Variants in EPB41L4B observed in about 807,000 individuals in gnomAD.
EPB41L4B encodes band 4.1-like protein 4B.
In EPB41L4B, 30 loss-of-function variants were observed where a neutral mutation model predicts 112.5. The observed-to-expected ratio is 0.27, with a 90% CI of 0.20 to 0.36. The LOEUF is 0.36. EPB41L4B is among the 10% of genes least tolerant of loss of function. EPB41L4B has a pLI of 1.00. For synonymous variants in EPB41L4B, 408 were observed against 439.7 expected, an observed-to-expected ratio of 0.93 and a Z score of 0.90; for missense variants, 1,024 against 1,133.3, an observed-to-expected ratio of 0.90 and a Z score of 1.38.
chr9:109,257,585 C>T (rs571607529), intron 7 of EPB41L4B, among the ~76,000 whole-genome samples: 2 of 152,256 alleles, frequency 1.3e-5, no homozygotes, highest in Admixed American at 1.3e-4. Context: ...GCCTGGGATG[C>T]CCTGGGGTGT....
At chr9:109,301,621 T>C (rs541611718) in intron 1 of EPB41L4B, among the ~76,000 whole-genome samples, 1 of 152,344 alleles carries the variant, frequency 6.6e-6, no homozygotes, top group Admixed American at 6.5e-5. Flanking sequence ...CAGAGGCTAC[T>C]CTTTTAAGGT....
At chr9:109,183,825 T>C (rs942207458) in intron 23 of EPB41L4B, among the ~76,000 whole-genome samples, 2 of 152,346 alleles carry the variant, frequency 1.3e-5, no homozygotes, top group Admixed American at 6.5e-5. Context: ...AGCTACTCAA[T>C]GCTCTTCAGT....
chr9:109,281,701 TAAA>T (rs1380265980), intron 1 of EPB41L4B, among the ~76,000 whole-genome samples: 71 of 112,760 alleles, frequency 6.3e-4, no homozygotes, highest in African/African-American at 2.5e-3. Flanking sequence ...AATAAATAAA[TAAA>T]TAAATAAATA....
chr9:109,220,233 C>T (rs1833524407), intron 15 of EPB41L4B, among the ~76,000 whole-genome samples: 2 of 152,072 alleles, frequency 1.3e-5, no homozygotes, highest in Admixed American at 1.3e-4. Context: ...AACAGCTGTT[C>T]CAGGCCTAAG....
At chr9:109,251,126 G>C (rs376233862) in intron 13 of EPB41L4B, among the ~76,000 whole-genome samples, 1 of 152,192 alleles carries the variant, frequency 6.6e-6, no homozygotes, top group Non-Finnish European at 1.5e-5. Flanking sequence ...ATCTGCTCTC[G>C]TCCAGCTTTT....
chr9:109,255,361 G>C lies in EPB41L4B; in HGVS notation c.1169+150C>G, dbSNP rs1428173200. ...CAATGACCAGGTGGGGGTCAAAAGA[G>C]CTTCAGTTACTCACCTTAAGAAACG... On this transcript the variant is annotated intron_variant, in intron 11 of 25. Coordinates refer to ENST00000374566, the MANE Select transcript of EPB41L4B (RefSeq NM_019114.5). 4 of 820,726 alleles carry C rather than the reference G, an allele frequency of 4.9e-6. No individual in the cohort carries two copies. The East Asian group carries it at 1.1e-4, about 22-fold the overall frequency. 50.8% of individuals were successfully genotyped at this position (820,726 alleles called of 1,614,324 possible).
chr9:109,233,897 T>C (rs1180879780), intron 15 of EPB41L4B, among the ~76,000 whole-genome samples: 3 of 152,194 alleles, frequency 2.0e-5, no homozygotes, highest in African/African-American at 7.2e-5. Context: ...CTTTCCTCAC[T>C]ATTATAAATG....
chr9:109,240,336 C>A, intron 15 of EPB41L4B: 1 of 985,364 alleles, frequency 1.0e-6, no homozygotes, highest in Non-Finnish European at 1.2e-6. Context: ...GTAGTCAGCT[C>A]CACTGTGCAA....
chr9:109,228,790 C>T (rs939600715), intron 15 of EPB41L4B, among the ~76,000 whole-genome samples: 32 of 152,118 alleles, frequency 2.1e-4, no homozygotes, highest in Middle Eastern at 3.2e-3. Flanking sequence ...AGTTCTGTGC[C>T]GCTTTCTTTT....
intron 11 of EPB41L4B, among the ~76,000 whole-genome samples, 186 bp downstream of exon 11, chr9:109,255,325 T>C (rs1485889810): frequency 6.6e-6 from 1 of 152,218 alleles, no homozygotes; most frequent in Admixed American, 6.5e-5. Flanking sequence ...TTGTTATTAG[T>C]TCCATTTTAT....
At chr9:109,175,632 G>A (rs991435113) in intron 25 of EPB41L4B, among the ~76,000 whole-genome samples, 2 of 151,686 alleles carry the variant, frequency 1.3e-5, no homozygotes, top group Non-Finnish European at 2.9e-5. Context: ...TCTGCCTCCT[G>A]AGTAGCTGGG....
rs897464769 is a variant in EPB41L4B at position 109,320,427 on chromosome 9, C to G, written c.20G>C (p.Arg7Pro). Reference protein sequence around the residue: MLRFLRRTFGRRSMQRY... With the variant: MLRFLRPTFGRRSMQRY... ...CTGCATGGAGCGGCGGCCAAAGGTC[C>G]GGCGCAGGAACCGCAGCATCCTGGC... Residue 7 changes from arginine to proline, a missense_variant, in exon 1 of 26, where the codon CGG (arginine) becomes CCG (proline). Transcript: ENST00000374566. The G allele has an allele frequency of 1.5e-5, 15 of 991,290 alleles. No homozygotes were observed. The African/African-American group carries it at 2.3e-4, about 15-fold the overall frequency. The allele number at this position is 991,290 out of a possible 1,614,324, so 61.4% of individuals were successfully genotyped here.
In EPB41L4B at chr9:109,270,066, T is replaced by C. The variant is rs190284414; in HGVS notation, c.412-1633A>G. Among the ~76,000 whole-genome samples the C allele has an allele frequency of 8.5e-5, 13 of 152,324 alleles. No individual in the cohort carries two copies. The East Asian group carries it at 2.3e-3, about 27-fold the overall frequency. On this transcript the variant is annotated intron_variant, in intron 2 of 25. Transcript: ENST00000374566. ...GCAGGATGTGTATCTCAGACGCACA[T>C]GTGCAGGATGCTTTATCTCATTGTT...
chr9:109,214,676 T>C (rs376823092), intron 16 of EPB41L4B, among the ~76,000 whole-genome samples: 3 of 152,078 alleles, frequency 2.0e-5, no homozygotes, highest in African/African-American at 4.8e-5. Flanking sequence ...TGAGACCCAG[T>C]AGAGTATTTT....
At chr9:109,291,498 G>T (rs561099138) in intron 1 of EPB41L4B, among the ~76,000 whole-genome samples, 20 of 152,262 alleles carry the variant, frequency 1.3e-4, no homozygotes, top group African/African-American at 4.6e-4. Context: ...TAACACAGAG[G>T]CCAAGACGCT....
intron 1 of EPB41L4B, chr9:109,307,064 A>C (rs575791654): frequency 5.4e-6 from 1 of 186,418 alleles, no homozygotes; most frequent in African/African-American, 2.4e-5. Context: ...TAGCTGAAAT[A>C]AAACAGTTCT....
At chr9:109,238,232 G>A (rs1834219347) in intron 15 of EPB41L4B, among the ~76,000 whole-genome samples, 2 of 152,126 alleles carry the variant, frequency 1.3e-5, no homozygotes, top group Non-Finnish European at 2.9e-5. Flanking sequence ...TACCTACCGG[G>A]GTTTCCAATG....
chr9:109,288,304 C>G (rs1166322831), intron 1 of EPB41L4B, among the ~76,000 whole-genome samples: 1 of 152,142 alleles, frequency 6.6e-6, no homozygotes, highest in Non-Finnish European at 1.5e-5. Context: ...GTTTCTGGGC[C>G]AGGCATGATG....
intron 2 of EPB41L4B, among the ~76,000 whole-genome samples, chr9:109,278,738 CT>C (rs1835928612): frequency 6.6e-6 from 1 of 152,168 alleles, no homozygotes; most frequent in African/African-American, 2.4e-5. Context: ...TATGACATAT[CT>C]ATGTGCACTG....
Sources: gnomAD v4.1 joint callset for allele counts (sites outside exome capture counted in the v4.1 genomes callset) on GRCh38, gnomAD v4.1.1 for gene constraint, MANE v1.5 for transcripts, NCBI Gene and HGNC (gene_info 2026-07-23, HGNC 2026-07-21) for gene names.